The following TANC2 variants were observed in gnomAD, a reference collection of about 807,000 sequenced individuals.
The protein encoded by TANC2 is tetratricopeptide repeat, ankyrin repeat and coiled-coil containing 2.
TANC2 carries 26 observed loss-of-function variants against 210.5 expected under a neutral mutation model. The ratio of observed to expected loss-of-function variants is 0.12; its 90% CI spans 0.09 to 0.17. The LOEUF is 0.17. Ranked by LOEUF, TANC2 falls within the 10% of genes least tolerant of loss-of-function variation. TANC2 has a pLI of 1.00. For missense variants in TANC2, 2,129 were observed against 2,608.9 expected (o/e 0.82, Z 4.01); for synonymous variants, 931 against 967.1 (o/e 0.96, Z 0.69).
intron 2 of TANC2, among the ~76,000 whole-genome samples, chr17:63,030,697 C>G (rs1307384501): frequency 6.7e-6 from 1 of 150,322 alleles, no homozygotes; most frequent in Non-Finnish European, 1.5e-5. Context: ...ATTTACTAAT[C>G]AAAGTTCAAC....
intron 5 of TANC2, among the ~76,000 whole-genome samples, chr17:63,190,863 C>A (rs2041162145): frequency 6.6e-6 from 1 of 152,136 alleles, no homozygotes; most frequent in South Asian, 2.1e-4. Flanking sequence ...AAATCACTTT[C>A]TCTGTTCTTA....
intron 9 of TANC2, among the ~76,000 whole-genome samples, chr17:63,301,201 C>T (rs573788033): frequency 1.3e-5 from 2 of 152,124 alleles, no homozygotes; most frequent in Admixed American, 6.6e-5. Flanking sequence ...TGAGGATTTT[C>T]GCATTGATGT....
At chr17:63,391,627 C>T (rs2047977708) in intron 17 of TANC2, 1 of 151,992 alleles carries the variant, frequency 6.6e-6, no homozygotes, top group South Asian at 2.1e-4. Flanking sequence ...CCAAGCTGCT[C>T]TTTTAAAAGT....
At position 63,412,747 on chromosome 17, in the gene TANC2, T is replaced by G; in HGVS notation, c.3928+38T>G. On this transcript the variant is annotated intron_variant, in intron 24 of 27. Coordinates refer to ENST00000689528, the Ensembl canonical transcript of TANC2. This position sits in a 1 kb window ranked among gnomAD's most constrained non-coding sequence, Gnocchi z 4.2. ...GCTGTCAGCATCAGGCGTGGTCTGA[T>G]GGCTTGGTCAGCTTTGCCTTCTCCT... 1.3e-6 allele frequency: 2 copies of G among 1,535,534 alleles called. No individual in the cohort carries two copies. The highest frequency in any genetic ancestry group is 1.7e-6 in the Non-Finnish European group (2 of 1,146,742).
chr17:62,968,374 A>G (rs2031484308), intron 1 of TANC2: 1 of 152,246 alleles, frequency 6.6e-6, no homozygotes, highest in Non-Finnish European at 1.5e-5. Flanking sequence ...CTGAAAATTC[A>G]TACTGATTGG....
At chr17:63,419,007 T>C (rs2048947025) in intron 27 of TANC2, among the ~76,000 whole-genome samples, 1 of 152,204 alleles carries the variant, frequency 6.6e-6, no homozygotes. Context: ...CTTGTGCCCA[T>C]CTGCTTTAGT....
At chr17:63,139,331 T>C (rs1408763046) in intron 4 of TANC2, among the ~76,000 whole-genome samples, 1 of 152,162 alleles carries the variant, frequency 6.6e-6, no homozygotes, top group East Asian at 1.9e-4. Flanking sequence ...AGTTGCTCTA[T>C]TGAAATAGAG....
intron 2 of TANC2, among the ~76,000 whole-genome samples, chr17:63,062,588 C>T (rs183810526): frequency 3.0e-4 from 46 of 152,046 alleles, no homozygotes; most frequent in Non-Finnish European, 5.9e-4. Flanking sequence ...TTGTATTTTC[C>T]GGTGAGTTGC....
At chr17:63,065,178 G>A (rs1483437101) in intron 2 of TANC2, among the ~76,000 whole-genome samples, 8 of 152,168 alleles carry the variant, frequency 5.3e-5, no homozygotes, top group Admixed American at 3.3e-4. Context: ...AGTTTACATA[G>A]CATGATGTCC....
chr17:63,195,877 A>C (rs920504002), intron 6 of TANC2, among the ~76,000 whole-genome samples: 1 of 152,006 alleles, frequency 6.6e-6, no homozygotes, highest in Non-Finnish European at 1.5e-5. Flanking sequence ...CCTCTCCTAC[A>C]TCACTTCCTA....
At chr17:63,070,271 G>A (rs1431060692) in intron 2 of TANC2, among the ~76,000 whole-genome samples, 7 of 152,100 alleles carry the variant, frequency 4.6e-5, no homozygotes, top group Non-Finnish European at 8.8e-5. Context: ...TAGTCACCTC[G>A]CAAGAGCCTT....
chr17:63,370,303 C>T (rs371702728), intron 14 of TANC2, among the ~76,000 whole-genome samples: 11 of 151,944 alleles, frequency 7.2e-5, no homozygotes, highest in South Asian at 2.1e-4. Flanking sequence ...CTCAGCCTTC[C>T]GAGTAGCTGA....
intron 17 of TANC2, chr17:63,391,311 C>T (rs1294879519): frequency 6.6e-6 from 1 of 152,172 alleles, no homozygotes; most frequent in Non-Finnish European, 1.5e-5. Context: ...TACTCCTTAA[C>T]CACTTGCATT....
chr17:63,194,104 G>T (rs1174496373), exon 6 of TANC2: 1 of 1,613,372 alleles, frequency 6.2e-7, no homozygotes, highest in Non-Finnish European at 8.5e-7. Context: ...TCAGCCAGGT[G>T]ACCAATACAG....
At chr17:63,252,532 C>T (rs1275198065) in intron 8 of TANC2, among the ~76,000 whole-genome samples, 3 of 151,882 alleles carry the variant, frequency 2.0e-5, no homozygotes, top group African/African-American at 7.3e-5. Context: ...CCCCACTACC[C>T]CCACCCCAGC....
Position 63,055,990 on chromosome 17 carries a change from AATATATATATATATATATATAT to A in TANC2, c.68-17940_68-17919del, listed in dbSNP as rs57112801. The stretch of plus-strand genomic sequence containing the variant: ...CAAAAAAAAAAAAAAAAAAAAAAAA[AATATATATATATATATATATAT>A]ATATATATATATGCCAGGGGTGGTG... On this transcript the variant is annotated intron_variant, in intron 2 of 27. Transcript: ENST00000689528. Among the ~76,000 whole-genome samples, 31 of 10,096 alleles carry A rather than the reference AATATATATATATATATATATAT, an allele frequency of 3.1e-3. 1 individual carries two copies. Among genetic ancestry groups the A allele is most frequent in the Non-Finnish European group, 6.1e-3 (28 of 4,606 alleles). The allele number at this position is 10,096 out of a possible 152,430, so 6.6% of individuals were successfully genotyped here. A position where few individuals can be genotyped will look rare whatever the true frequency, so the allele number is the denominator to read the frequency against.
At position 63,259,136 on chromosome 17, in the gene TANC2, G is replaced by A. The variant is rs114871915; in HGVS notation, c.1034-8612G>A. 9.0e-3 allele frequency among the ~76,000 whole-genome samples: 1,374 copies of A among 152,248 alleles called. 25 individuals carry two copies. Among genetic ancestry groups the A allele is most frequent in the African/African-American group, 0.032 (1,330 of 41,538 alleles). On this transcript the variant is annotated intron_variant, in intron 8 of 27. Coordinates refer to ENST00000689528, the Ensembl canonical transcript of TANC2. ...AAAAGTCTTCTGGGAGCTAGGGCCC[G>A]AAATAGGGGCCCCAGAACTCTTCCT...
intron 3 of TANC2, among the ~76,000 whole-genome samples, chr17:63,084,084 A>AGAATTTACCAGTGAACCCATCTGGGCC (rs2036873631): frequency 2.0e-5 from 3 of 152,204 alleles, no homozygotes; most frequent in Non-Finnish European, 4.4e-5. Context: ...AATGTTTAGT[A>AGAATTTACCAGTGAACCCATCTGGGCC]GAATTTACCA....
chr17:63,324,564 A>T (rs1241706357), intron 11 of TANC2, among the ~76,000 whole-genome samples: 1 of 152,206 alleles, frequency 6.6e-6, no homozygotes, highest in Non-Finnish European at 1.5e-5. Context: ...GATTATTTTT[A>T]AAAATATTTT....
Sources: allele counts gnomAD v4.1 joint callset (sites outside exome capture counted in the v4.1 genomes callset), GRCh38; gene constraint gnomAD v4.1.1; non-coding constraint Gnocchi (gnomAD v3.1); transcripts MANE v1.5; gene names NCBI Gene and HGNC (gene_info 2026-07-23, HGNC 2026-07-21).